The following PCDHGA3 variants were observed in gnomAD, a reference collection of about 807,000 sequenced individuals.
The protein encoded by PCDHGA3 is protocadherin gamma-A3.
Under a neutral mutation model 58.5 loss-of-function variants are expected in PCDHGA3, and 40 were observed. The observed-to-expected ratio is 0.68, with a 90% CI of 0.53 to 0.89. PCDHGA3 has a LOEUF of 0.89. PCDHGA3 is among the 40% of genes least tolerant of loss of function. The pLI is 0.00. For missense variants in PCDHGA3, 1,223 were observed against 1,195.9 expected (o/e 1.02, Z -0.33); for synonymous variants, 530 against 525.7 (o/e 1.01, Z -0.11).
chr5:141,377,799 T>C (rs1774359449), intron 1 of PCDHGA3: 1 of 152,206 alleles, frequency 6.6e-6, no homozygotes, highest in African/African-American at 2.4e-5. Flanking sequence ...TTCCTGTAAC[T>C]ATCTGTTATT....
At chr5:141,372,690 A>G (rs1415110803) in intron 1 of PCDHGA3, 1 of 1,613,948 alleles carries the variant, frequency 6.2e-7, no homozygotes, top group East Asian at 2.2e-5. Context: ...CACCGAGTTT[A>G]AATTTCTCAA....
chr5:141,502,679 T>C (rs943238781), intron 2 of PCDHGA3, among the ~76,000 whole-genome samples: 1 of 152,236 alleles, frequency 6.6e-6, no homozygotes, highest in Non-Finnish European at 1.5e-5. Flanking sequence ...TAGTATTCCC[T>C]GATGATCCTT....
In PCDHGA3 at chr5:141,364,730, C is replaced by T. The variant is rs374170303; in HGVS notation, c.2424+18273C>T. On this transcript the variant is annotated intron_variant, in intron 1 of 3. Coordinates refer to ENST00000253812, the MANE Select transcript of PCDHGA3 (RefSeq NM_018916.4). ...TATTAATGATAACTTCCCGCGTTTC[C>T]GGGATGAAGAGTTAAAAGTAAAAGT... is the stretch of plus-strand genomic sequence containing the variant. The T allele has an allele frequency of 1.9e-6, 3 of 1,613,720 alleles. No individual in the cohort carries two copies. In the African/African-American group the frequency reaches 4.0e-5, roughly 22 times the overall value.
At chr5:141,453,475 A>C (rs2098766452) in intron 1 of PCDHGA3, among the ~76,000 whole-genome samples, 1 of 151,996 alleles carries the variant, frequency 6.6e-6, no homozygotes, top group Non-Finnish European at 1.5e-5. Context: ...ATAAAGTCAA[A>C]ACTATTAAAA....
intron 1 of PCDHGA3, chr5:141,379,005 C>T (rs556550665): frequency 4.6e-4 from 70 of 152,174 alleles, no homozygotes; most frequent in Non-Finnish European, 6.8e-4. Context: ...CAAGATTTTT[C>T]TCCAGTCATG....
chr5:141,486,121 T>G lies in PCDHGA3; in HGVS notation c.2425-8686T>G. The G allele has an allele frequency of 6.2e-7, 1 of 1,614,204 alleles. No homozygotes were observed. Among genetic ancestry groups the G allele is most frequent in the Non-Finnish European group, 8.5e-7 (1 of 1,180,036 alleles). Reference sequence around the variant, plus strand: ...TAGACTTTGAGAGTGAGAATTACTATGAATTTGATGTGCGGGCTCGCGATG... The same window carrying G: ...TAGACTTTGAGAGTGAGAATTACTAGGAATTTGATGTGCGGGCTCGCGATG... On this transcript the variant is annotated intron_variant, in intron 1 of 3. Transcript: ENST00000253812. The surrounding 1 kb of genome is among the most constrained non-coding windows in gnomAD (Gnocchi z 5.0).
At position 141,487,653 on chromosome 5, in the gene PCDHGA3, A is replaced by C. The variant is rs1033173132; in HGVS notation, c.2425-7154A>C. The C allele has an allele frequency of 3.1e-6, 5 of 1,613,794 alleles. No individual in the cohort carries two copies. Among genetic ancestry groups the C allele is most frequent in the Non-Finnish European group, 4.2e-6 (5 of 1,179,926 alleles). ...CAGGCTCAACAAATGCTTGAGGGTT[A>C]TTCTGATCCAGGCATATGGCTAGGC... On this transcript the variant is annotated intron_variant, in intron 1 of 3. Transcript: ENST00000253812. This position sits in a 1 kb window ranked among gnomAD's most constrained non-coding sequence, Gnocchi z 5.0.
intron 1 of PCDHGA3, among the ~76,000 whole-genome samples, chr5:141,447,975 A>G (rs1352829510): frequency 6.6e-6 from 1 of 151,928 alleles, no homozygotes; most frequent in Non-Finnish European, 1.5e-5. Flanking sequence ...AATCCCAGCT[A>G]CTCGGGAGGC....
intron 1 of PCDHGA3, among the ~76,000 whole-genome samples, chr5:141,494,496 T>A (rs147870810): frequency 2.9e-3 from 442 of 152,264 alleles, no homozygotes; most frequent in Non-Finnish European, 4.9e-3. Flanking sequence ...ATGCCTTCAG[T>A]CCTTGAATTT....
chr5:141,361,727 C>T, intron 1 of PCDHGA3: 3 of 1,613,274 alleles, frequency 1.9e-6, no homozygotes, highest in Non-Finnish European at 2.5e-6. Context: ...TTCGAGCTCA[C>T]ACTGCAGGCC....
chr5:141,355,298 A>C (rs374574090), intron 1 of PCDHGA3: 19 of 1,613,694 alleles, frequency 1.2e-5, no homozygotes, highest in African/African-American at 6.7e-5. Context: ...CAGATTCTCT[A>C]CTCGGTGTTT....
rs749086929 is a variant in PCDHGA3, at chr5:141,485,998, T to A, written c.2425-8809T>A. ...CAGACCCGGACCTGGGTCCCAGTGG[T>A]AACGTCACCTTTTATTTCAGTGGTC... On this transcript the variant is annotated intron_variant, in intron 1 of 3. Transcript: ENST00000253812. The surrounding 1 kb of genome is among the most constrained non-coding windows in gnomAD (Gnocchi z 5.7). 2.4e-5 allele frequency: 38 copies of A among 1,614,068 alleles called. No individual in the cohort carries two copies. Among genetic ancestry groups the A allele is most frequent in the Non-Finnish European group, 3.1e-5 (37 of 1,180,046 alleles).
chr5:141,370,950 C>G (rs78666647), intron 1 of PCDHGA3: 1 of 1,614,002 alleles, frequency 6.2e-7, no homozygotes, highest in South Asian at 1.1e-5. Flanking sequence ...GAAGGAGAAC[C>G]TGGATGGCAG....
Position 141,398,701 on chromosome 5 carries a change from C to T in PCDHGA3, c.2424+52244C>T, listed in dbSNP as rs757215015. On this transcript the variant is annotated intron_variant, in intron 1 of 3. Transcript: ENST00000253812. Reference sequence around the variant, plus strand: ...GGAGAAACAGGATGGTAGTAAATACCCGGAACTGGCACTGGAGAAAACCTT... The same window carrying T: ...GGAGAAACAGGATGGTAGTAAATACTCGGAACTGGCACTGGAGAAAACCTT... The T allele has an allele frequency of 1.2e-5, 20 of 1,613,658 alleles. No homozygotes were observed. In the Admixed American group the frequency reaches 3.3e-4, roughly 27 times the overall value.
chr5:141,409,480 C>A, intron 1 of PCDHGA3: 1 of 1,614,002 alleles, frequency 6.2e-7, no homozygotes, highest in Non-Finnish European at 8.5e-7. Flanking sequence ...TAGCCACTGA[C>A]AGGGGCAAGC....
intron 1 of PCDHGA3, chr5:141,405,556 C>T: frequency 1.6e-6 from 1 of 619,826 alleles, no homozygotes; most frequent in East Asian, 2.7e-5. Context: ...AGTAGAGTAG[C>T]TGGGACTAGA....
rs374095590 is a variant in PCDHGA3, at chr5:141,431,523, T to C, written c.2425-63284T>C. On this transcript the variant is annotated intron_variant, in intron 1 of 3. Coordinates refer to ENST00000253812, the MANE Select transcript of PCDHGA3 (RefSeq NM_018916.4). This position sits in a 1 kb window ranked among gnomAD's most constrained non-coding sequence, Gnocchi z 4.8. ...TACCGCGCGAGCGTTCCGGAGAATC[T>C]GGCCTTGGGCACGCAGCTGCTTGTA... 13 of 1,613,952 alleles carry C rather than the reference T, an allele frequency of 8.1e-6. No homozygotes were observed. The African/African-American group carries it at 1.5e-4, about 18-fold the overall frequency.
At chr5:141,415,725 T>A in intron 1 of PCDHGA3, 1 of 1,437,122 alleles carries the variant, frequency 7.0e-7, no homozygotes, top group Non-Finnish European at 9.2e-7. Context: ...TGAGTAGAAT[T>A]TGATGTTTAT....
rs373421472 is a variant in PCDHGA3, at chr5:141,472,201, A to G, written c.2425-22606A>G. ...GTATTGGAATTTGAATCTTTTTGAC[A>G]CTAAGACCTTACTCTCGATCATATA... is the stretch of plus-strand genomic sequence containing the variant. On this transcript the variant is annotated intron_variant, in intron 1 of 3. Coordinates refer to ENST00000253812, the MANE Select transcript of PCDHGA3 (RefSeq NM_018916.4). Among the ~76,000 whole-genome samples the G allele has an allele frequency of 5.6e-4, 86 of 152,320 alleles. 2 individuals are homozygous for G. The South Asian group carries it at 0.017, about 30-fold the overall frequency.
Sources: gnomAD v4.1 joint callset for allele counts (sites outside exome capture counted in the v4.1 genomes callset) on GRCh38, gnomAD v4.1.1 for gene constraint, Gnocchi (gnomAD v3.1) non-coding constraint, MANE v1.5 for transcripts, NCBI Gene and HGNC (gene_info 2026-07-23, HGNC 2026-07-21) for gene names.